The following HAUS2 variants were observed in gnomAD, a reference collection of about 807,000 sequenced individuals.
The protein encoded by HAUS2 is HAUS augmin-like complex subunit 2.
In HAUS2, 20 loss-of-function variants were observed where a neutral mutation model predicts 21.6. The ratio of observed to expected loss-of-function variants is 0.93; its 90% confidence interval spans 0.65 to 1.35. The LOEUF (loss-of-function observed/expected upper bound fraction) is 1.35, where lower values mean the gene tolerates loss of function less well. Ranked by LOEUF, HAUS2 falls within the 40% of genes most tolerant of loss-of-function variation. The probability of loss-of-function intolerance (pLI) is 0.00; values close to 1 mark genes in which losing one functional copy is unlikely to be tolerated. For synonymous variants in HAUS2, 113 were observed against 95.6 expected, an observed-to-expected ratio of 1.18 and a Z score of -1.06; for missense variants, 297 against 280.7, an observed-to-expected ratio of 1.06 and a Z score of -0.42.
chr15:42,563,154 T>C lies in HAUS2; in HGVS notation c.390-595T>C, dbSNP rs535804702. ...AAATGGGGCTGGGCAAGGTGGCTCA[T>C]GCCTGTAATCCCAGCACTTTGGGAG... On this transcript the variant is annotated intron_variant, in intron 4 of 5. Transcript: ENST00000260372. 2.7e-4 allele frequency among the ~76,000 whole-genome samples: 41 copies of C among 150,530 alleles called. No homozygotes were observed. In the South Asian group the frequency reaches 8.6e-3, roughly 32 times the overall value.
chr15:42,560,316 C>T (rs1249556849), intron 3 of HAUS2, among the ~76,000 whole-genome samples: 1 of 151,958 alleles, frequency 6.6e-6, no homozygotes, highest in Non-Finnish European at 1.5e-5. Context: ...TTGGGAAATA[C>T]ATGCTAACGT....
chr15:42,549,005 A>T (rs2057687999), intron 1 of HAUS2, 40 bp downstream of exon 1: 1 of 1,305,310 alleles, frequency 7.7e-7, no homozygotes, highest in Non-Finnish European at 1.1e-6. Context: ...GGGGGTGCCC[A>T]AGGTGGCAAC....
At chr15:42,565,077 T>C (rs1005462085) in intron 5 of HAUS2, among the ~76,000 whole-genome samples, 4 of 150,718 alleles carry the variant, frequency 2.7e-5, no homozygotes, top group Admixed American at 6.6e-5. Flanking sequence ...CCTCAGGTGA[T>C]CCACCTGCCT....
intron 4 of HAUS2, chr15:42,561,605 GTT>G: frequency 2.2e-6 from 1 of 453,884 alleles, no homozygotes; most frequent in Non-Finnish European, 3.9e-6. Context: ...TGGCCATCGT[GTT>G]TTGGGAATTA....
intron 1 of HAUS2, among the ~76,000 whole-genome samples, chr15:42,555,806 G>A (rs1210934312): frequency 6.6e-6 from 1 of 152,156 alleles, no homozygotes; most frequent in African/African-American, 2.4e-5. Context: ...GAGTAAATAT[G>A]TAAGGCTTTG....
intron 1 of HAUS2, among the ~76,000 whole-genome samples, chr15:42,557,131 A>G (rs1010595714): frequency 1.3e-5 from 2 of 148,278 alleles, no homozygotes; most frequent in African/African-American, 2.5e-5. Flanking sequence ...TGGCTAACAC[A>G]GTGAAACCCC....
At position 42,567,077 on chromosome 15, in the gene HAUS2, C is replaced by T. The variant is rs2057914169; in HGVS notation, c.*261C>T. On this transcript the variant is annotated 3_prime_UTR_variant, in exon 6 of 6. Coordinates refer to ENST00000260372, the MANE Select transcript of HAUS2 (RefSeq NM_018097.3). ...ATTAATATAAGTGAATTAACCATTT[C>T]TCAGGTGGGAAATTCTCTTTTTTTA... The T allele has an allele frequency of 3.5e-6, 1 of 289,356 alleles. No individual in the cohort carries two copies. Among genetic ancestry groups the T allele is most frequent in the Non-Finnish European group, 6.5e-6 (1 of 153,388 alleles). The allele number at this position is 289,356 out of a possible 1,614,324, so 17.9% of individuals were successfully genotyped here.
intron 1 of HAUS2, among the ~76,000 whole-genome samples, chr15:42,550,235 T>A (rs2057708556): frequency 6.9e-6 from 1 of 145,648 alleles, no homozygotes; most frequent in African/African-American, 2.6e-5. Context: ...TGAGATGCGA[T>A]CGGGCCACTG....
intron 3 of HAUS2, among the ~76,000 whole-genome samples, 189 bp downstream of exon 3, chr15:42,559,597 A>C (rs553749606): frequency 1.3e-5 from 2 of 152,360 alleles, no homozygotes; most frequent in South Asian, 2.1e-4. Flanking sequence ...AATAGCATAA[A>C]AAGTCACCAA....
At chr15:42,556,507 T>C (rs1261949569) in intron 1 of HAUS2, among the ~76,000 whole-genome samples, 2 of 151,376 alleles carry the variant, frequency 1.3e-5, no homozygotes, top group Non-Finnish European at 2.9e-5. Context: ...TCAAATGATC[T>C]ACCCACCTCG....
At position 42,569,214 on chromosome 15, in the gene HAUS2, C is replaced by T. The variant is rs1325389435; in HGVS notation, c.*2398C>T. 2.6e-5 allele frequency: 4 copies of T among 151,518 alleles called. No individual in the cohort carries two copies. Among genetic ancestry groups the T allele is most frequent in the African/African-American group, 4.9e-5 (2 of 41,228 alleles). The allele number at this position is 151,518 out of a possible 1,614,324, so 9.4% of individuals were successfully genotyped here. A position where few individuals can be genotyped will look rare whatever the true frequency, so the allele number is the denominator to read the frequency against. On this transcript the variant is annotated 3_prime_UTR_variant, in exon 6 of 6. Transcript: ENST00000260372. ...TAATCAGTATTGTAACTAACCTTGG[C>T]TTATTTTACTTTTAGACTTGGGGTT...
Position 42,567,043 on chromosome 15 carries a change from T to C in HAUS2, c.*227T>C. ...AACTAGAGAAGCTAAAAAATAGCCA[T>C]GACAATTTATTAATATAAGTGAATT... On this transcript the variant is annotated 3_prime_UTR_variant, in exon 6 of 6. Coordinates refer to ENST00000260372, the MANE Select transcript of HAUS2 (RefSeq NM_018097.3). 2 of 357,624 alleles carry C rather than the reference T, an allele frequency of 5.6e-6. No individual in the cohort carries two copies. The highest frequency in any genetic ancestry group is 4.5e-5 in the Admixed American group (1 of 22,252). The allele number at this position is 357,624 out of a possible 1,614,324, so 22.2% of individuals were successfully genotyped here. A position where few individuals can be genotyped will look rare whatever the true frequency, so the allele number is the denominator to read the frequency against.
rs1251351655 is a variant in HAUS2 at position 42,567,237 on chromosome 15, A to C, written c.*421A>C. 1 of 167,072 alleles carries C rather than the reference A, an allele frequency of 6.0e-6. No individual in the cohort carries two copies. The highest frequency in any genetic ancestry group is 2.4e-5 in the African/African-American group (1 of 41,410). 10.3% of individuals were successfully genotyped at this position (167,072 alleles called of 1,614,324 possible). A position where few individuals can be genotyped will look rare whatever the true frequency, so the allele number is the denominator to read the frequency against. ...TAACATGGTGAAATCCCATATCTAC[A>C]AAATAAACAAAAAATTAGCCGACCA... On this transcript the variant is annotated 3_prime_UTR_variant, in exon 6 of 6. Coordinates refer to ENST00000260372, the MANE Select transcript of HAUS2 (RefSeq NM_018097.3).
chr15:42,560,663 C>T, intron 3 of HAUS2: 1 of 566,704 alleles, frequency 1.8e-6, no homozygotes, highest in Non-Finnish European at 3.2e-6. Flanking sequence ...GTAACCCAGG[C>T]TGAAGTACAG....
chr15:42,569,568 A>C lies in HAUS2; in HGVS notation c.*2752A>C, dbSNP rs1205870967. ...ACGACCCTCCCGCCTCAGCCTCCGA[A>C]AGTGCTGGGAGTACAGGTGTTAGCC... On this transcript the variant is annotated 3_prime_UTR_variant, in exon 6 of 6. Transcript: ENST00000260372. 2 of 151,990 alleles carry C rather than the reference A, an allele frequency of 1.3e-5. No individual in the cohort carries two copies. Among genetic ancestry groups the C allele is most frequent in the Non-Finnish European group, 2.9e-5 (2 of 68,012 alleles). The allele number at this position is 151,990 out of a possible 1,614,324, so 9.4% of individuals were successfully genotyped here. A position where few individuals can be genotyped will look rare whatever the true frequency, so the allele number is the denominator to read the frequency against.
chr15:42,558,574 G>A (rs1441931817), intron 2 of HAUS2, among the ~76,000 whole-genome samples: 6 of 151,882 alleles, frequency 4.0e-5, no homozygotes, highest in South Asian at 2.1e-4. Flanking sequence ...TGATCTGCCC[G>A]CCTCGGCCTC....
chr15:42,554,862 T>C (rs774851738), intron 1 of HAUS2, among the ~76,000 whole-genome samples: 17 of 151,878 alleles, frequency 1.1e-4, no homozygotes, highest in Admixed American at 7.9e-4. Context: ...GGTCTCACTC[T>C]GTTGCCCAGG....
rs564844202 is a variant in HAUS2, at chr15:42,564,063, G to C, written c.498+206G>C. On this transcript the variant is annotated intron_variant, in intron 5 of 5. Coordinates refer to ENST00000260372, the MANE Select transcript of HAUS2 (RefSeq NM_018097.3). ...GGTGGATCACTTGAGGTCAGGAGTT[G>C]GAGACCAGCCTGGCCAACATGGTGA... Among the ~76,000 whole-genome samples, 2 of 151,942 alleles carry C rather than the reference G, an allele frequency of 1.3e-5. 1 individual carries two copies. Among genetic ancestry groups the C allele is most frequent in the South Asian group, 4.2e-4 (2 of 4,818 alleles).
At chr15:42,563,345 G>C (rs2141604578) in intron 4 of HAUS2, among the ~76,000 whole-genome samples, 1 of 149,308 alleles carries the variant, frequency 6.7e-6, no homozygotes, top group East Asian at 2.0e-4. Flanking sequence ...CCAGGAGGCA[G>C]AGGTTTCAGT....
Sources: allele counts gnomAD v4.1 joint callset (sites outside exome capture counted in the v4.1 genomes callset), GRCh38; gene constraint gnomAD v4.1.1; transcripts MANE v1.5; gene names NCBI Gene and HGNC (gene_info 2026-07-23, HGNC 2026-07-21).